HEPH: variants seen among roughly 807,000 people sequenced by gnomAD.
HEPH encodes the protein hephaestin.
Under a neutral mutation model 80.8 loss-of-function variants are expected in HEPH, and 69 were observed. That is an observed-to-expected ratio of 0.85 (90% CI 0.70 to 1.04). HEPH has a LOEUF of 1.04. Ranked by LOEUF, HEPH falls within the 50% of genes least tolerant of loss-of-function variation. The pLI is 0.00. For synonymous variants in HEPH, 431 were observed against 322.8 expected (o/e 1.34, Z -3.60); for missense variants, 1,115 against 891.3 (o/e 1.25, Z -3.20).
At chrX:66,222,879 C>A (rs748290426) in intron 15 of HEPH, among the ~76,000 whole-genome samples, 1 of 111,803 alleles carries the variant, frequency 8.9e-6, no homozygotes, top group African/African-American at 3.3e-5. Context: ...AATAACCAGA[C>A]GGTCAGCAAT....
At position 66,206,339 on chromosome X, in the gene HEPH, CTTTTTTTTTTTTTTTTTT is replaced by C. The variant is rs760184190; in HGVS notation, c.2292-830_2292-813del. Among the ~76,000 whole-genome samples, 139 of 14,054 alleles carry C rather than the reference CTTTTTTTTTTTTTTTTTT, an allele frequency of 9.9e-3. 1 individual carries two copies. Among genetic ancestry groups the C allele is most frequent in the Admixed American group, 0.013 (11 of 815 alleles). The allele number at this position is 14,054 out of a possible 115,157, so 12.2% of individuals were successfully genotyped here. The stretch of plus-strand genomic sequence containing the variant: ...GATGGCAAACAAGGAAACCTGCCAT[CTTTTTTTTTTTTTTTTTT>C]TTTTTTTTTTTTTTTTTTTTTTTTT... On this transcript the variant is annotated intron_variant, in intron 13 of 20. Transcript: ENST00000343002.
chrX:66,193,647 T>C lies in HEPH; in HGVS notation c.1369+9T>C, dbSNP rs758662476. ...GCATCTTGGAATCCTGGGTGAGGAA[T>C]TTTTAAATTATGAAATTCATTTACT... is the stretch of plus-strand genomic sequence containing the variant. On this transcript the variant is annotated intron_variant, in intron 8 of 20. Transcript: ENST00000343002. The C allele has an allele frequency of 8.6e-6, 10 of 1,161,840 alleles. No individual in the cohort carries two copies. The highest frequency in any genetic ancestry group is 2.4e-4 in the Middle Eastern group (1 of 4,138).
At chrX:66,178,688 A>C in intron 4 of HEPH, among the ~76,000 whole-genome samples, 1 of 112,258 alleles carries the variant, frequency 8.9e-6, no homozygotes, top group Middle Eastern at 4.6e-3. Flanking sequence ...CATTTCTCTG[A>C]TGGCCAGTGA....
At chrX:66,260,622 G>T (rs1411805115) in intron 19 of HEPH, among the ~76,000 whole-genome samples, 1 of 112,188 alleles carries the variant, frequency 8.9e-6, no homozygotes, top group Non-Finnish European at 1.9e-5. Context: ...ATATACAAAT[G>T]TATTACTTGA....
At chrX:66,254,727 C>T (rs2091114450) in intron 15 of HEPH, among the ~76,000 whole-genome samples, 1 of 107,544 alleles carries the variant, frequency 9.3e-6, no homozygotes, top group African/African-American at 3.4e-5. Flanking sequence ...TAAACCAAAG[C>T]AGAGCACCCC....
chrX:66,178,031 G>A (rs765196463), intron 4 of HEPH, among the ~76,000 whole-genome samples: 1 of 111,474 alleles, frequency 9.0e-6, no homozygotes, highest in Non-Finnish European at 1.9e-5. Context: ...TGCCATGTTG[G>A]TGTGCTGCAC....
In HEPH at chrX:66,267,014, G is replaced by T. The variant is rs1346690298; in HGVS notation, c.*342G>T. On this transcript the variant is annotated 3_prime_UTR_variant, in exon 21 of 21. Transcript: ENST00000343002. ...CCTTCTCACAAAGTAGAGACCAAGA[G>T]AAAAACTCATTGATTGGGTTTCTAC... is the stretch of plus-strand genomic sequence containing the variant. 1.2e-5 allele frequency: 2 copies of T among 169,156 alleles called. No individual in the cohort carries two copies. Among genetic ancestry groups the T allele is most frequent in the African/African-American group, 6.1e-5 (2 of 32,745 alleles). 13.9% of individuals were successfully genotyped at this position (169,156 alleles called of 1,213,427 possible).
intron 20 of HEPH, among the ~76,000 whole-genome samples, chrX:66,264,841 T>G (rs1602588988): frequency 9.4e-6 from 1 of 106,270 alleles, no homozygotes; most frequent in Non-Finnish European, 1.9e-5. Flanking sequence ...TTTTAAATAT[T>G]TAAATATTTT....
chrX:66,240,693 C>A (rs1191437290), intron 15 of HEPH, among the ~76,000 whole-genome samples: 2 of 111,596 alleles, frequency 1.8e-5, no homozygotes, highest in Non-Finnish European at 1.9e-5. Context: ...TTACAAAAAT[C>A]TTTTACATGC....
intron 14 of HEPH, 97 bp downstream of exon 14, chrX:66,207,431 A>C: frequency 3.8e-5 from 23 of 603,449 alleles, no homozygotes; most frequent in Non-Finnish European, 4.8e-5. Context: ...CCCCATTCTC[A>C]ATGTTTTCAT....
rs1238772990 is a variant in HEPH at position 66,169,741 on chromosome X, A to G, written c.-13-817A>G. Among the ~76,000 whole-genome samples the G allele has an allele frequency of 3.6e-5, 4 of 112,099 alleles. No individual in the cohort carries two copies. In the East Asian group the frequency reaches 8.4e-4, roughly 23 times the overall value. On this transcript the variant is annotated intron_variant, in intron 1 of 20. Transcript: ENST00000343002. ...TTCACAAACTGAACACGCTTTTACA[A>G]CCAGCATGTAGATCACAAAACAGAG...
intron 15 of HEPH, among the ~76,000 whole-genome samples, chrX:66,222,230 C>A (rs1160693671): frequency 8.9e-6 from 1 of 112,773 alleles, no homozygotes; most frequent in African/African-American, 3.2e-5. Context: ...GTTGGATGGC[C>A]CTTGGGGGCT....
At position 66,252,599 on chromosome X, in the gene HEPH, A is replaced by G. The variant is rs182422324; in HGVS notation, c.2564-2436A>G. ...CCATTACAGGCCTTTGATAAAAGGTATGACATGAACAAAGAGAGATTTTGG... is the reference window on the plus strand; with the variant it reads ...CCATTACAGGCCTTTGATAAAAGGTGTGACATGAACAAAGAGAGATTTTGG... On this transcript the variant is annotated intron_variant, in intron 15 of 20. Transcript: ENST00000343002. Among the ~76,000 whole-genome samples, 15 of 112,076 alleles carry G rather than the reference A, an allele frequency of 1.3e-4. 1 individual carries two copies. Among genetic ancestry groups the G allele is most frequent in the African/African-American group, 4.5e-4 (14 of 30,935 alleles).
chrX:66,164,148 A>G, upstream of HEPH: 1 of 699,501 alleles, frequency 1.4e-6, no homozygotes, highest in African/African-American at 2.3e-5. Context: ...CCCCCTTGTA[A>G]TTCCTCCTGA....
intron 15 of HEPH, among the ~76,000 whole-genome samples, chrX:66,227,302 G>T (rs1204252771): frequency 9.0e-6 from 1 of 111,655 alleles, no homozygotes; most frequent in Non-Finnish European, 1.9e-5. Context: ...GATATGTCAA[G>T]CCATCTATGA....
chrX:66,180,608 A>G (rs2087068391), intron 4 of HEPH, among the ~76,000 whole-genome samples: 1 of 96,204 alleles, frequency 1.0e-5, no homozygotes, highest in Admixed American at 1.1e-4. Flanking sequence ...TCTTTTTGTA[A>G]TGAATTTCCC....
chrX:66,204,116 G>A (rs1006175545), intron 13 of HEPH, among the ~76,000 whole-genome samples: 4 of 111,769 alleles, frequency 3.6e-5, no homozygotes, highest in Admixed American at 1.9e-4. Context: ...AGCTATTCCC[G>A]GCTATCATGA....
At chrX:66,222,435 C>T (rs909695557) in intron 15 of HEPH, among the ~76,000 whole-genome samples, 6 of 112,495 alleles carry the variant, frequency 5.3e-5, no homozygotes, top group Non-Finnish European at 9.4e-5. Context: ...TTTTTTTTAA[C>T]GTGTGGATGG....
chrX:66,267,538 C>T (rs1223692397), downstream of HEPH: 1 of 111,175 alleles, frequency 9.0e-6, no homozygotes, highest in Non-Finnish European at 1.9e-5. Flanking sequence ...GGAAGCTGTT[C>T]CAGAGGAAGC....
Sources: allele counts gnomAD v4.1 joint callset (sites outside exome capture counted in the v4.1 genomes callset), GRCh38; gene constraint gnomAD v4.1.1; transcripts MANE v1.5; gene names NCBI Gene and HGNC (gene_info 2026-07-23, HGNC 2026-07-21).